Variants in SH3GL2 observed in about 807,000 individuals in gnomAD.
The protein encoded by SH3GL2 is endophilin-A1.
In SH3GL2, 24 loss-of-function variants were observed where a neutral mutation model predicts 46.0. The ratio of observed to expected loss-of-function variants is 0.52; its 90% confidence interval spans 0.38 to 0.73. The LOEUF (loss-of-function observed/expected upper bound fraction) is 0.73, where lower values mean the gene tolerates loss of function less well. Among genes scored for constraint, SH3GL2 ranks in the 30% least tolerant of loss-of-function variants. The pLI, the probability that SH3GL2 is intolerant of heterozygous loss-of-function variation, is 0.00. For synonymous variants in SH3GL2, 196 were observed against 147.1 expected (o/e 1.33, Z -2.40); for missense variants, 413 against 424.2 (o/e 0.97, Z 0.23).
chr9:17,730,073 C>T (rs1368008564), intron 1 of SH3GL2, among the ~76,000 whole-genome samples: 3 of 151,898 alleles, frequency 2.0e-5, no homozygotes, highest in African/African-American at 4.8e-5. Flanking sequence ...TTTCATGATA[C>T]TGATTCTTCC....
chr9:17,709,563 C>G (rs763929907), intron 1 of SH3GL2, among the ~76,000 whole-genome samples: 1 of 151,760 alleles, frequency 6.6e-6, no homozygotes, highest in Admixed American at 6.6e-5. Flanking sequence ...GAGCTTACAA[C>G]TGAAGATGAA....
chr9:17,660,114 A>C lies in SH3GL2; in HGVS notation c.45+80827A>C, dbSNP rs1820177540. Among the ~76,000 whole-genome samples the C allele has an allele frequency of 4.6e-5, 7 of 152,356 alleles. 1 individual carries two copies. In the South Asian group the frequency reaches 1.4e-3, roughly 32 times the overall value. ...CATCCAGTAAAACCCTGGCAGGGTA[A>C]GAATTTAATAAGATGTATGCTAAAT... On this transcript the variant is annotated intron_variant, in intron 1 of 8. Transcript: ENST00000380607.
chr9:17,613,095 T>A (rs1818906168), intron 1 of SH3GL2, among the ~76,000 whole-genome samples: 1 of 152,226 alleles, frequency 6.6e-6, no homozygotes, highest in East Asian at 1.9e-4. Context: ...TAAGCTTTGA[T>A]GACCTTAGGC....
At chr9:17,681,151 A>C (rs1340258116) in intron 1 of SH3GL2, among the ~76,000 whole-genome samples, 1 of 152,186 alleles carries the variant, frequency 6.6e-6, no homozygotes, top group African/African-American at 2.4e-5. Flanking sequence ...CTATATTAAA[A>C]TGGGAAAAAA....
intron 1 of SH3GL2, among the ~76,000 whole-genome samples, chr9:17,736,199 T>TGTATGTATGG (rs1822329203): frequency 6.6e-6 from 1 of 152,124 alleles, no homozygotes; most frequent in Non-Finnish European, 1.5e-5. Context: ...TGTGTGTGTA[T>TGTATGTATGG]GTATGTATGG....
chr9:17,645,092 T>G (rs796990379), intron 1 of SH3GL2, among the ~76,000 whole-genome samples: 5 of 152,000 alleles, frequency 3.3e-5, no homozygotes, highest in African/African-American at 1.2e-4. Context: ...CTTCTTTGTC[T>G]TTTTTGATCT....
intron 1 of SH3GL2, among the ~76,000 whole-genome samples, chr9:17,634,822 C>G (rs1301506180): frequency 6.6e-6 from 1 of 152,158 alleles, no homozygotes; most frequent in Non-Finnish European, 1.5e-5. Context: ...CCACACAATA[C>G]ACACATGATC....
intron 1 of SH3GL2, among the ~76,000 whole-genome samples, chr9:17,731,440 A>G (rs1245912029): frequency 6.6e-6 from 1 of 151,120 alleles, no homozygotes; most frequent in African/African-American, 2.4e-5. Flanking sequence ...AGAGAGAAAG[A>G]GAGAGAGAGA....
At chr9:17,730,274 A>G (rs1255652254) in intron 1 of SH3GL2, among the ~76,000 whole-genome samples, 1 of 152,094 alleles carries the variant, frequency 6.6e-6, no homozygotes, top group Admixed American at 6.6e-5. Flanking sequence ...TTATTGGTGT[A>G]TGGGAATGTT....
At chr9:17,730,051 C>G (rs1446005700) in intron 1 of SH3GL2, among the ~76,000 whole-genome samples, 1 of 152,054 alleles carries the variant, frequency 6.6e-6, no homozygotes, top group African/African-American at 2.4e-5. Context: ...TTACTTTGGG[C>G]AATATGGCCG....
intron 3 of SH3GL2, among the ~76,000 whole-genome samples, chr9:17,770,235 T>C (rs1823434123): frequency 6.6e-6 from 1 of 152,196 alleles, no homozygotes; most frequent in African/African-American, 2.4e-5. Context: ...TTAATAGACA[T>C]TTGTGTTTAT....
At chr9:17,610,351 G>T (rs915024808) in intron 1 of SH3GL2, among the ~76,000 whole-genome samples, 1 of 151,986 alleles carries the variant, frequency 6.6e-6, no homozygotes, top group East Asian at 1.9e-4. Context: ...TATGTATTCA[G>T]TGAACACTAT....
At chr9:17,677,786 C>A (rs1161051078) in intron 1 of SH3GL2, among the ~76,000 whole-genome samples, 12 of 151,932 alleles carry the variant, frequency 7.9e-5, no homozygotes, top group African/African-American at 2.7e-4. Context: ...TACCTCCCCC[C>A]ACCCCACAAC....
intron 1 of SH3GL2, among the ~76,000 whole-genome samples, chr9:17,712,028 A>G (rs1376133325): frequency 6.6e-6 from 1 of 151,742 alleles, no homozygotes; most frequent in African/African-American, 2.4e-5. Context: ...AGTGGTATGT[A>G]GTTGTAGTTT....
At chr9:17,655,045 G>T (rs1230449075) in intron 1 of SH3GL2, among the ~76,000 whole-genome samples, 1 of 152,148 alleles carries the variant, frequency 6.6e-6, no homozygotes, top group Non-Finnish European at 1.5e-5. Context: ...AAATCCCTCA[G>T]CAGCGAGAGA....
At chr9:17,629,462 A>G (rs953275106) in intron 1 of SH3GL2, among the ~76,000 whole-genome samples, 1 of 152,206 alleles carries the variant, frequency 6.6e-6, no homozygotes, top group African/African-American at 2.4e-5. Flanking sequence ...TCCATTCACA[A>G]ATTGCTAACA....
chr9:17,754,688 A>G (rs1822939877), intron 2 of SH3GL2, among the ~76,000 whole-genome samples: 1 of 152,098 alleles, frequency 6.6e-6, no homozygotes. Flanking sequence ...AATAAAATAA[A>G]TAAATAACTT....
At position 17,723,999 on chromosome 9, in the gene SH3GL2, C is replaced by T. The variant is rs141245709; in HGVS notation, c.46-23067C>T. On this transcript the variant is annotated intron_variant, in intron 1 of 8. Coordinates refer to ENST00000380607, the MANE Select transcript of SH3GL2 (RefSeq NM_003026.5). Reference sequence around the variant, plus strand: ...TTTTTTGTACTTGTAATTCATTGAGCTTCTTTGAAGTATAGATTAGCATTT... The same window carrying T: ...TTTTTTGTACTTGTAATTCATTGAGTTTCTTTGAAGTATAGATTAGCATTT... Among the ~76,000 whole-genome samples, 346 of 152,168 alleles carry T rather than the reference C, an allele frequency of 2.3e-3. 1 individual carries two copies. Among genetic ancestry groups the T allele is most frequent in the Admixed American group, 5.5e-3 (84 of 15,264 alleles).
At chr9:17,623,888 C>T (rs1262969031) in intron 1 of SH3GL2, among the ~76,000 whole-genome samples, 1 of 152,090 alleles carries the variant, frequency 6.6e-6, no homozygotes, top group Non-Finnish European at 1.5e-5. Context: ...GTAAATTTAA[C>T]ATTGATACAA....
Sources: gnomAD v4.1 joint callset for allele counts (sites outside exome capture counted in the v4.1 genomes callset) on GRCh38, gnomAD v4.1.1 for gene constraint, MANE v1.5 for transcripts, NCBI Gene and HGNC (gene_info 2026-07-23, HGNC 2026-07-21) for gene names.